The following RIMS2 variants were observed in gnomAD, a reference collection of about 807,000 sequenced individuals.
RIMS2 encodes regulating synaptic membrane exocytosis protein 2.
A neutral mutation model predicts 174.4 loss-of-function variants in RIMS2; 59 were observed. The observed-to-expected ratio is 0.34, with a 90% CI of 0.27 to 0.42. The LOEUF is 0.42. RIMS2 is among the 10% of genes least tolerant of loss of function. The pLI, the probability that RIMS2 is intolerant of heterozygous loss-of-function variation, is 1.00. For missense variants in RIMS2, 1,620 were observed against 1,666.3 expected (o/e 0.97, Z 0.48); for synonymous variants, 606 against 572.5 (o/e 1.06, Z -0.84).
exon 16 of RIMS2, chr8:103,975,460 A>G (rs1446624688): frequency 1.2e-6 from 2 of 1,613,010 alleles, no homozygotes; most frequent in South Asian, 1.1e-5. Context: ...AGTAGATGTT[A>G]TAGGAAGGAC....
chr8:103,624,256 T>G (rs2095719083), intron 1 of RIMS2, among the ~76,000 whole-genome samples: 1 of 152,226 alleles, frequency 6.6e-6, no homozygotes, highest in African/African-American at 2.4e-5. Context: ...TGTTGCATTA[T>G]GCAATCAGTT....
At chr8:103,500,787 T>C (rs2130685272) in exon 1 of RIMS2, 1 of 656,432 alleles carries the variant, frequency 1.5e-6, no homozygotes, top group Non-Finnish European at 2.6e-6. Context: ...TTGTATGTAT[T>C]TGTCCCAGCG....
intron 5 of RIMS2, among the ~76,000 whole-genome samples, chr8:103,910,906 A>C (rs938181458): frequency 6.6e-6 from 1 of 152,222 alleles, no homozygotes; most frequent in East Asian, 1.9e-4. Flanking sequence ...TGGGATGAAA[A>C]TTAAATTATT....
At chr8:103,628,475 C>A (rs1245869088) in intron 1 of RIMS2, among the ~76,000 whole-genome samples, 3 of 151,718 alleles carry the variant, frequency 2.0e-5, no homozygotes, top group Non-Finnish European at 4.4e-5. Context: ...CTGCCTTAGC[C>A]TCCTGAGTAG....
chr8:103,634,531 A>G (rs1029009528), intron 1 of RIMS2, among the ~76,000 whole-genome samples: 3 of 152,356 alleles, frequency 2.0e-5, no homozygotes, highest in Non-Finnish European at 2.9e-5. Context: ...AAGGTTTATC[A>G]GATCCATTTG....
At chr8:103,605,870 G>A (rs1466526642) in intron 1 of RIMS2, among the ~76,000 whole-genome samples, 25 of 150,406 alleles carry the variant, frequency 1.7e-4, no homozygotes, top group East Asian at 7.7e-4. Flanking sequence ...TTTTTATTGC[G>A]TCTATTTGAT....
chr8:103,546,217 A>T (rs1367023041), intron 1 of RIMS2, among the ~76,000 whole-genome samples: 4 of 152,214 alleles, frequency 2.6e-5, no homozygotes, highest in African/African-American at 9.6e-5. Context: ...AACAGAAAAA[A>T]ACAGGAGTTG....
intron 19 of RIMS2, among the ~76,000 whole-genome samples, chr8:104,195,129 A>T (rs768948030): frequency 2.6e-5 from 4 of 152,232 alleles, no homozygotes; most frequent in Non-Finnish European, 5.9e-5. Flanking sequence ...AGGTGGAACG[A>T]CAGAATGGTA....
chr8:103,528,257 A>G (rs140151311), intron 1 of RIMS2, among the ~76,000 whole-genome samples: 9,899 of 151,148 alleles, frequency 0.065, 393 homozygotes, highest in South Asian at 0.088. Flanking sequence ...TTTCTTGTAA[A>G]TTTGTTTGAG....
At chr8:103,746,413 C>T (rs929157358) in intron 2 of RIMS2, among the ~76,000 whole-genome samples, 7 of 152,028 alleles carry the variant, frequency 4.6e-5, no homozygotes, top group Admixed American at 3.3e-4. Flanking sequence ...TTAGTTCCTA[C>T]TGGTATATTT....
At chr8:103,973,459 A>G (rs986283991) in intron 15 of RIMS2, among the ~76,000 whole-genome samples, 1 of 152,234 alleles carries the variant, frequency 6.6e-6, no homozygotes, top group African/African-American at 2.4e-5. Context: ...TAAAAAATAA[A>G]ATAACACAAT....
intron 1 of RIMS2, among the ~76,000 whole-genome samples, chr8:103,591,212 T>G (rs1320981525): frequency 6.6e-6 from 1 of 151,162 alleles, no homozygotes; most frequent in Non-Finnish European, 1.5e-5. Flanking sequence ...TATTCCTTCA[T>G]GGACTGTCTG....
rs551322600 is a variant in RIMS2, at chr8:103,690,660, T to C, written c.177-6426T>C. ...TGTTTATATCTTACTGTAGTGTCTA[T>C]GTCTTAAAAAGTTTTTGTAGTTACT... On this transcript the variant is annotated intron_variant, in intron 1 of 23. Coordinates refer to ENST00000504942, the Ensembl canonical transcript of RIMS2. Among the ~76,000 whole-genome samples the C allele has an allele frequency of 1.3e-4, 20 of 152,334 alleles. 1 individual carries two copies. In the South Asian group the frequency reaches 3.9e-3, roughly 30 times the overall value.
chr8:104,006,288 G>A (rs1348166725), intron 17 of RIMS2, among the ~76,000 whole-genome samples: 2 of 151,992 alleles, frequency 1.3e-5, no homozygotes, highest in East Asian at 1.9e-4. Flanking sequence ...GGTAGCTCAC[G>A]CCTGTAATCC....
At chr8:103,903,111 G>T (rs2073576417) in intron 4 of RIMS2, among the ~76,000 whole-genome samples, 1 of 151,950 alleles carries the variant, frequency 6.6e-6, no homozygotes, top group Non-Finnish European at 1.5e-5. Context: ...TCATGAACTT[G>T]GTATGACTAC....
intron 19 of RIMS2, among the ~76,000 whole-genome samples, chr8:104,169,527 A>G (rs1216290930): frequency 6.6e-6 from 1 of 151,616 alleles, no homozygotes; most frequent in African/African-American, 2.4e-5. Flanking sequence ...CGGCTGTAAT[A>G]TCTCCAGTTT....
At chr8:104,152,916 A>G (rs189321908) in intron 19 of RIMS2, among the ~76,000 whole-genome samples, 1 of 152,278 alleles carries the variant, frequency 6.6e-6, no homozygotes, top group African/African-American at 2.4e-5. Context: ...GATGGTATTT[A>G]CTATTGTAAA....
chr8:104,194,548 T>C (rs1369813256), intron 19 of RIMS2, among the ~76,000 whole-genome samples: 1 of 152,178 alleles, frequency 6.6e-6, no homozygotes, highest in African/African-American at 2.4e-5. Context: ...ATCTTGCTCT[T>C]GAAGTTCAAT....
At chr8:103,616,921 C>T (rs943207620) in intron 1 of RIMS2, among the ~76,000 whole-genome samples, 7 of 152,216 alleles carry the variant, frequency 4.6e-5, no homozygotes, top group East Asian at 1.9e-4. Flanking sequence ...TAGGAAGAAT[C>T]GGTATCATTA....
Sources: gnomAD v4.1 joint callset for allele counts (sites outside exome capture counted in the v4.1 genomes callset) on GRCh38, gnomAD v4.1.1 for gene constraint, MANE v1.5 for transcripts, NCBI Gene and HGNC (gene_info 2026-07-23, HGNC 2026-07-21) for gene names.